Variants in PATJ observed in about 807,000 individuals in gnomAD.
PATJ encodes the protein inaD-like protein.
In PATJ, 190 loss-of-function variants were observed where a neutral mutation model predicts 224.9. The observed-to-expected ratio is 0.84, with a 90% confidence interval of 0.75 to 0.95. The LOEUF is 0.95. Among genes scored for constraint, PATJ ranks in the 40% least tolerant of loss-of-function variants. The pLI, the probability that PATJ is intolerant of heterozygous loss-of-function variation, is 0.00. For missense variants in PATJ, 2,121 were observed against 2,270.3 expected (o/e 0.93, Z 1.34); for synonymous variants, 769 against 820.3 (o/e 0.94, Z 1.07).
chr1:62,038,341 A>G (rs963234501), intron 30 of PATJ: 3 of 207,232 alleles, frequency 1.4e-5, no homozygotes, highest in African/African-American at 2.3e-5. Flanking sequence ...CTCTTTGTTT[A>G]TGACTGAATT....
chr1:61,807,264 A>G (rs1304545267), intron 13 of PATJ, among the ~76,000 whole-genome samples: 1 of 152,164 alleles, frequency 6.6e-6, no homozygotes, highest in African/African-American at 2.4e-5. Flanking sequence ...TGCAGCTTCA[A>G]CTTTCTGGGC....
At chr1:62,100,703 A>G (rs1408201002) in intron 33 of PATJ, among the ~76,000 whole-genome samples, 1 of 152,172 alleles carries the variant, frequency 6.6e-6, no homozygotes, top group Non-Finnish European at 1.5e-5. Flanking sequence ...CAATTTCTTG[A>G]CAATCATTTA....
intron 22 of PATJ, among the ~76,000 whole-genome samples, chr1:61,885,196 A>G (rs1668644255): frequency 6.6e-6 from 1 of 152,178 alleles, no homozygotes; most frequent in Non-Finnish European, 1.5e-5. Context: ...ATTAAACTAA[A>G]GAGCTTCTGC....
intron 27 of PATJ, among the ~76,000 whole-genome samples, chr1:61,946,695 G>A (rs1678776178): frequency 6.6e-6 from 1 of 152,098 alleles, no homozygotes; most frequent in South Asian, 2.1e-4. Flanking sequence ...GAAAAAGAGG[G>A]AATCCTCCCT....
At chr1:61,812,316 C>T (rs1450566114) in intron 14 of PATJ, among the ~76,000 whole-genome samples, 1 of 147,088 alleles carries the variant, frequency 6.8e-6, no homozygotes, top group African/African-American at 2.5e-5. Context: ...GAGGTCTTAC[C>T]GTGCCTGCTA....
At chr1:61,964,447 T>G (rs1027223507) in intron 27 of PATJ, among the ~76,000 whole-genome samples, 1 of 152,126 alleles carries the variant, frequency 6.6e-6, no homozygotes. Flanking sequence ...ACTATATATA[T>G]AGATTAGCAG....
At chr1:61,827,302 T>C in intron 15 of PATJ, 120 bp from the exon 16 acceptor site, 1 of 792,814 alleles carries the variant, frequency 1.3e-6, no homozygotes, top group South Asian at 2.6e-5. Flanking sequence ...CGAGGCCCCT[T>C]GTTTACAGGG....
At chr1:62,100,668 A>C (rs933793016) in intron 33 of PATJ, among the ~76,000 whole-genome samples, 3 of 152,222 alleles carry the variant, frequency 2.0e-5, no homozygotes, top group African/African-American at 7.2e-5. Flanking sequence ...TTTCTGAGTC[A>C]TTGTAACCTC....
Position 61,763,194 on chromosome 1 carries a change from A to G in PATJ, c.189+15A>G. 1 of 1,458,532 alleles carries G rather than the reference A, an allele frequency of 6.9e-7. No individual in the cohort carries two copies. The highest frequency in any genetic ancestry group is 1.4e-5 in the African/African-American group (1 of 70,174). 90.3% of individuals were successfully genotyped at this position (1,458,532 alleles called of 1,614,324 possible). The stretch of plus-strand genomic sequence containing the variant: ...TGAAGGGTCAAGTAAGTTACCCATC[A>G]GAGTTTTACATTAATATATTATATT... On this transcript the variant is annotated intron_variant, in intron 3 of 43. Transcript: ENST00000642238.
intron 3 of PATJ, among the ~76,000 whole-genome samples, chr1:61,765,643 A>C (rs1400428831): frequency 6.6e-6 from 1 of 152,154 alleles, no homozygotes; most frequent in Non-Finnish European, 1.5e-5. Flanking sequence ...GTATCAGCCA[A>C]TGATATTTTA....
chr1:62,076,491 T>C (rs1007607291), intron 31 of PATJ, among the ~76,000 whole-genome samples: 22 of 152,310 alleles, frequency 1.4e-4, no homozygotes, highest in African/African-American at 4.8e-4. Flanking sequence ...TTTGTGCCAA[T>C]GAATGAGTCA....
At chr1:62,040,782 G>T (rs1651335771) in intron 30 of PATJ, among the ~76,000 whole-genome samples, 1 of 151,768 alleles carries the variant, frequency 6.6e-6, no homozygotes, top group Non-Finnish European at 1.5e-5. Context: ...TTAAACAGGG[G>T]AGTGAGGTGA....
intron 41 of PATJ, among the ~76,000 whole-genome samples, chr1:62,132,195 A>G (rs72677963): frequency 0.035 from 5,257 of 152,288 alleles, 110 homozygotes; most frequent in Non-Finnish European, 0.046. Flanking sequence ...TGGTAGAAGG[A>G]AAATGTGAGT....
At chr1:61,791,285 T>C (rs1291147154) in intron 8 of PATJ, 63 bp from the exon 9 acceptor site, 3 of 940,150 alleles carry the variant, frequency 3.2e-6, no homozygotes, top group East Asian at 4.9e-5. Context: ...CTTGCACAGA[T>C]TGACTATGTA....
Position 62,162,114 on chromosome 1 carries a change from GCAGGAACAACTAGCATA to G in PATJ, c.*1063_*1079del, listed in dbSNP as rs1366875883. 3 of 152,142 alleles carry G rather than the reference GCAGGAACAACTAGCATA, an allele frequency of 2.0e-5. No homozygotes were observed. Among genetic ancestry groups the G allele is most frequent in the African/African-American group, 7.2e-5 (3 of 41,408 alleles). The allele number at this position is 152,142 out of a possible 1,614,324, so 9.4% of individuals were successfully genotyped here. A position where few individuals can be genotyped will look rare whatever the true frequency, so the allele number is the denominator to read the frequency against. The stretch of plus-strand genomic sequence containing the variant: ...ACTGAGCAAATGAACCTTATTCTCA[GCAGGAACAACTAGCATA>G]CATGTTCTGAATTCTAACAGTGCTA... On this transcript the variant is annotated 3_prime_UTR_variant, in exon 44 of 44. Transcript: ENST00000642238.
intron 35 of PATJ, among the ~76,000 whole-genome samples, chr1:62,116,233 C>T (rs1043522944): frequency 3.3e-5 from 5 of 152,118 alleles, no homozygotes; most frequent in Non-Finnish European, 7.4e-5. Context: ...TAAAGATATA[C>T]TTACAAGTAT....
At chr1:61,755,266 G>A (rs528815149) in intron 1 of PATJ, among the ~76,000 whole-genome samples, 3 of 148,466 alleles carry the variant, frequency 2.0e-5, no homozygotes, top group South Asian at 2.2e-4. Context: ...CCGAGATGGC[G>A]CCACTGCACT....
intron 33 of PATJ, among the ~76,000 whole-genome samples, chr1:62,094,367 G>A (rs116729050): frequency 0.015 from 2,248 of 152,114 alleles, 24 homozygotes; most frequent in Non-Finnish European, 0.024. Context: ...GCACTCCAGC[G>A]TGGGTGACAA....
intron 27 of PATJ, among the ~76,000 whole-genome samples, chr1:61,968,328 G>A (rs1268510338): frequency 1.3e-5 from 2 of 151,912 alleles, no homozygotes; most frequent in African/African-American, 2.4e-5. Context: ...CAGTTGTTTC[G>A]GCAAATGCAG....
Sources: gnomAD v4.1 joint callset for allele counts (sites outside exome capture counted in the v4.1 genomes callset) on GRCh38, gnomAD v4.1.1 for gene constraint, MANE v1.5 for transcripts, NCBI Gene and HGNC (gene_info 2026-07-23, HGNC 2026-07-21) for gene names.